The following LRRC37A2 variants were observed in gnomAD, a reference collection of about 807,000 sequenced individuals.
LRRC37A2 encodes the protein leucine rich repeat containing 37 member A2.
A neutral mutation model predicts 68.8 loss-of-function variants in LRRC37A2; 9 were observed. The observed-to-expected ratio is 0.13, with a 90% CI of 0.08 to 0.23. The LOEUF is 0.23. LRRC37A2 is among the 10% of genes least tolerant of loss of function. LRRC37A2 has a pLI of 1.00. For missense variants in LRRC37A2, 168 were observed against 950.4 expected, an observed-to-expected ratio of 0.18 and a Z score of 10.82; for synonymous variants, 63 against 367.6, an observed-to-expected ratio of 0.17 and a Z score of 9.48.
the LRRC37A2 span, among the ~76,000 whole-genome samples, chr17:46,997,539 C>A: frequency 1.3e-5 from 2 of 152,184 alleles, no homozygotes; most frequent in African/African-American, 4.8e-5. Flanking sequence ...TTAATCTGAT[C>A]AGGCCTCTAG....
chr17:46,626,243 TCTC>T, the LRRC37A2 span, among the ~76,000 whole-genome samples: 3 of 104,506 alleles, frequency 2.9e-5, no homozygotes, highest in Admixed American at 1.0e-4. Flanking sequence ...TTGGCTCTCT[TCTC>T]CTTATTAGGA....
At chr17:46,890,885 G>A in the LRRC37A2 span, among the ~76,000 whole-genome samples, 15 of 152,294 alleles carry the variant, frequency 9.8e-5, no homozygotes, top group African/African-American at 3.6e-4. Context: ...CTTGTTCAGT[G>A]GGCCTGGTAT....
chr17:46,939,400 T>G, the LRRC37A2 span: 3 of 995,388 alleles, frequency 3.0e-6, no homozygotes, highest in Non-Finnish European at 3.6e-6. Flanking sequence ...GCTGGGTGTT[T>G]CTCTTTTCTA....
chr17:46,691,421 C>G, the LRRC37A2 span, among the ~76,000 whole-genome samples: 1 of 112,390 alleles, frequency 8.9e-6, no homozygotes, highest in Non-Finnish European at 1.8e-5. Flanking sequence ...ATGGTGAAAC[C>G]CCGTCTCTAC....
downstream of LRRC37A2, chr17:46,557,045 C>T (rs1401539342): frequency 2.4e-6 from 1 of 419,188 alleles, no homozygotes; most frequent in African/African-American, 2.5e-5. Context: ...TACCCCCTAA[C>T]CTAAAAGAAA....
chr17:46,569,046 G>C, the LRRC37A2 span, among the ~76,000 whole-genome samples: 1 of 133,292 alleles, frequency 7.5e-6, no homozygotes, highest in Non-Finnish European at 1.6e-5. Flanking sequence ...GGGTTCAAGA[G>C]AATCTCCTGT....
At chr17:46,713,772 C>A in the LRRC37A2 span, 1 of 1,389,898 alleles carries the variant, frequency 7.2e-7, no homozygotes, top group Non-Finnish European at 9.9e-7. Flanking sequence ...TCAGTATGTT[C>A]TGGATAAAAG....
the LRRC37A2 span, among the ~76,000 whole-genome samples, chr17:46,796,572 G>T: frequency 6.6e-6 from 1 of 152,180 alleles, no homozygotes; most frequent in African/African-American, 2.4e-5. Flanking sequence ...TCCCACTCGG[G>T]GCACACAGAG....
the LRRC37A2 span, among the ~76,000 whole-genome samples, chr17:47,020,789 A>T: frequency 7.2e-6 from 1 of 138,746 alleles, no homozygotes; most frequent in African/African-American, 2.6e-5. Context: ...CTCAAAAAAA[A>T]AAAAAAAAAA....
At chr17:46,832,255 G>A in the LRRC37A2 span, among the ~76,000 whole-genome samples, 4 of 152,188 alleles carry the variant, frequency 2.6e-5, no homozygotes, top group African/African-American at 4.8e-5. Context: ...TCCTCTCTGG[G>A]GGCCTTGACC....
intron 6 of LRRC37A2, among the ~76,000 whole-genome samples, chr17:46,530,422 G>A (rs2053519241): frequency 6.9e-6 from 1 of 144,462 alleles, no homozygotes; most frequent in Non-Finnish European, 1.5e-5. Flanking sequence ...TACAAAACAA[G>A]TTAATGGCAC....
At chr17:46,851,542 G>GC in the LRRC37A2 span, 1 of 604,718 alleles carries the variant, frequency 1.7e-6, no homozygotes, top group African/African-American at 2.0e-5. The surrounding 1 kb of genome is among the most constrained non-coding windows in gnomAD (Gnocchi z 4.3). Flanking sequence ...CGCCTGCCCC[G>GC]CCCCACCCGG....
the LRRC37A2 span, chr17:47,018,115 T>C: frequency 2.3e-5 from 36 of 1,540,652 alleles, no homozygotes; most frequent in African/African-American, 4.5e-4. Context: ...GAGGTTACCA[T>C]AACTTCAGAG....
At chr17:46,719,537 G>C in the LRRC37A2 span, among the ~76,000 whole-genome samples, 1 of 152,136 alleles carries the variant, frequency 6.6e-6, no homozygotes, top group African/African-American at 2.4e-5. The surrounding 1 kb of genome is among the most constrained non-coding windows in gnomAD (Gnocchi z 4.3). Flanking sequence ...AACTGCTGAA[G>C]TATGTATGAG....
the LRRC37A2 span, chr17:46,935,523 C>T: frequency 7.8e-7 from 1 of 1,275,954 alleles, no homozygotes; most frequent in Non-Finnish European, 9.9e-7. Context: ...ACGTGGCTGT[C>T]CTTTGGTACC....
the LRRC37A2 span, chr17:46,773,811 C>T: frequency 1.1e-5 from 17 of 1,613,498 alleles, no homozygotes; most frequent in Non-Finnish European, 1.4e-5. Context: ...GATGTAATTG[C>T]GGCAGAAGCG....
At chr17:46,905,685 G>A in the LRRC37A2 span, among the ~76,000 whole-genome samples, 2 of 152,182 alleles carry the variant, frequency 1.3e-5, no homozygotes, top group South Asian at 4.1e-4. Flanking sequence ...AGCCCAGTGT[G>A]CATCAGATGG....
chr17:46,534,824 G>T (rs558753251), intron 6 of LRRC37A2, among the ~76,000 whole-genome samples: 2 of 148,078 alleles, frequency 1.4e-5, no homozygotes, highest in Admixed American at 6.6e-5. Flanking sequence ...CCAGGCGGGG[G>T]CTGGCCCCCA....
At chr17:46,821,218 G>A in the LRRC37A2 span, 1 of 152,298 alleles carries the variant, frequency 6.6e-6, no homozygotes, top group Non-Finnish European at 1.5e-5. Flanking sequence ...GTGCGCCTGG[G>A]AAGTGACAGA....
Sources: gnomAD v4.1 joint callset for allele counts (sites outside exome capture counted in the v4.1 genomes callset) on GRCh38, gnomAD v4.1.1 for gene constraint, Gnocchi (gnomAD v3.1) non-coding constraint, MANE v1.5 for transcripts, NCBI Gene and HGNC (gene_info 2026-07-23, HGNC 2026-07-21) for gene names.